The following NUDT13 variants were observed in gnomAD, a reference collection of about 807,000 sequenced individuals.
NUDT13 encodes the protein nudix hydrolase 13.
NUDT13 carries 40 observed loss-of-function variants against 41.7 expected under a neutral mutation model. The observed-to-expected ratio is 0.96, with a 90% CI of 0.75 to 1.25. NUDT13 has a LOEUF of 1.25. Ranked by LOEUF, NUDT13 falls within the 50% of genes most tolerant of loss-of-function variation. The pLI is 0.00. For synonymous variants in NUDT13, 145 were observed against 155.5 expected, an observed-to-expected ratio of 0.93 and a Z score of 0.50; for missense variants, 390 against 416.1, an observed-to-expected ratio of 0.94 and a Z score of 0.55.
chr10:73,130,685 C>T lies in NUDT13; in HGVS notation c.859-18C>T, dbSNP rs758681542. ...GTAGCTCCTGACCTTACATCCTTTT[C>T]TTCCTTATGTCTTTCAGATCCAGGT... is the stretch of plus-strand genomic sequence containing the variant. On this transcript the variant is annotated intron_variant, in intron 8 of 8. Coordinates refer to ENST00000357321, the MANE Select transcript of NUDT13 (RefSeq NM_015901.6). The T allele has an allele frequency of 1.2e-6, 2 of 1,609,578 alleles. No homozygotes were observed. The highest frequency in any genetic ancestry group is 1.7e-6 in the Non-Finnish European group (2 of 1,176,538).
intron 3 of NUDT13, among the ~76,000 whole-genome samples, chr10:73,120,462 C>T (rs1401676428): frequency 6.6e-6 from 1 of 152,158 alleles, no homozygotes; most frequent in Non-Finnish European, 1.5e-5. Flanking sequence ...GGAACATAGA[C>T]GTACTCATTC....
intron 2 of NUDT13, chr10:73,119,545 T>C: frequency 7.7e-6 from 7 of 907,624 alleles, no homozygotes; most frequent in Non-Finnish European, 9.2e-6. Flanking sequence ...TGATGTTTTA[T>C]CACTGTACTT....
intron 2 of NUDT13, among the ~76,000 whole-genome samples, chr10:73,118,359 G>C (rs1842565011): frequency 6.6e-6 from 1 of 152,126 alleles, no homozygotes; most frequent in Non-Finnish European, 1.5e-5. Context: ...TTCATGTTGA[G>C]CAAACTCTGC....
At chr10:73,130,632 G>A in intron 8 of NUDT13, 71 bp from the exon 9 acceptor site, 3 of 1,266,364 alleles carry the variant, frequency 2.4e-6, no homozygotes. Flanking sequence ...ATCATTTTCT[G>A]ACCTTTGGCC....
chr10:73,121,822 T>C (rs1388840776), intron 3 of NUDT13, among the ~76,000 whole-genome samples: 1 of 152,178 alleles, frequency 6.6e-6, no homozygotes, highest in African/African-American at 2.4e-5. Context: ...CCAGCCTTGG[T>C]CTGTACCATT....
intron 7 of NUDT13, 169 bp downstream of exon 7, chr10:73,125,678 A>ATATATATATATATATATATATAT (rs1386292574): frequency 6.5e-6 from 1 of 154,726 alleles, no homozygotes; most frequent in African/African-American, 3.2e-5. Flanking sequence ...TATATATATA[A>ATATATATATATATATATATATAT]AATTTTTTCC....
intron 4 of NUDT13, 146 bp downstream of exon 4, chr10:73,122,455 TCTG>T: frequency 1.3e-6 from 1 of 740,934 alleles, no homozygotes; most frequent in Non-Finnish European, 2.2e-6. Flanking sequence ...AAAAGTGTCA[TCTG>T]CTATCATCAT....
chr10:73,124,116 C>A, intron 4 of NUDT13, 98 bp from the exon 5 acceptor site: 2 of 797,608 alleles, frequency 2.5e-6, no homozygotes, highest in South Asian at 3.1e-5. Context: ...TCTTACGAGG[C>A]AAGTTTGGGA....
intron 2 of NUDT13, chr10:73,114,928 C>T (rs1842471589): frequency 1.3e-5 from 2 of 152,062 alleles, no homozygotes; most frequent in African/African-American, 4.8e-5. Context: ...AAATCATAAC[C>T]ATTTTGTCCA....
rs1374794341 is a variant in NUDT13 at position 73,131,296 on chromosome 10, T to C, written c.*393T>C. ...CTGTTGTAAGTTTGGTTAAAACTTT[T>C]ATCTTAGTATTGAAAATATATAGCA... On this transcript the variant is annotated 3_prime_UTR_variant, in exon 9 of 9. Transcript: ENST00000357321. The C allele has an allele frequency of 3.1e-5, 6 of 191,148 alleles. No individual in the cohort carries two copies. The highest frequency in any genetic ancestry group is 1.4e-4 in the African/African-American group (6 of 43,490). 11.8% of individuals were successfully genotyped at this position (191,148 alleles called of 1,614,324 possible). A position where few individuals can be genotyped will look rare whatever the true frequency, so the allele number is the denominator to read the frequency against.
At chr10:73,116,878 T>A (rs1279246207) in intron 2 of NUDT13, among the ~76,000 whole-genome samples, 11 of 108,892 alleles carry the variant, frequency 1.0e-4, no homozygotes, top group Admixed American at 6.0e-4. Context: ...CTACAAGAAT[T>A]TTTTTTTTTT....
At chr10:73,114,579 G>A (rs1206620126) in intron 2 of NUDT13, 131 bp downstream of exon 2, 1 of 268,060 alleles carries the variant, frequency 3.7e-6, no homozygotes, top group African/African-American at 2.3e-5. Flanking sequence ...ATTTGTGTGT[G>A]TGTATATGTG....
At chr10:73,130,571 A>T in intron 8 of NUDT13, 132 bp from the exon 9 acceptor site, 1 of 716,048 alleles carries the variant, frequency 1.4e-6, no homozygotes, top group Non-Finnish European at 2.3e-6. Flanking sequence ...ACTGACTTTC[A>T]CCTAACCTGA....
chr10:73,124,387 A>C, intron 5 of NUDT13, 67 bp downstream of exon 5: 1 of 1,033,506 alleles, frequency 9.7e-7, no homozygotes, highest in Non-Finnish European at 1.5e-6. Flanking sequence ...ATCCATGTGT[A>C]CACACAAGGC....
intron 4 of NUDT13, among the ~76,000 whole-genome samples, chr10:73,123,423 A>G (rs1172159815): frequency 6.6e-6 from 1 of 152,096 alleles, no homozygotes; most frequent in South Asian, 2.1e-4. Context: ...TGAGGTTCAC[A>G]TAGGAGCCAT....
At chr10:73,118,459 G>T (rs1369581714) in intron 2 of NUDT13, among the ~76,000 whole-genome samples, 1 of 152,094 alleles carries the variant, frequency 6.6e-6, no homozygotes, top group African/African-American at 2.4e-5. Context: ...TTTTACCTGA[G>T]CGTCTGTTTT....
intron 3 of NUDT13, among the ~76,000 whole-genome samples, chr10:73,121,688 T>C (rs1338154638): frequency 6.6e-6 from 1 of 152,120 alleles, no homozygotes; most frequent in Admixed American, 6.6e-5. Context: ...CCTCCCAAGT[T>C]TTTGGGACTA....
intron 8 of NUDT13, 114 bp from the exon 9 acceptor site, chr10:73,130,589 A>G: frequency 2.4e-6 from 2 of 837,790 alleles, no homozygotes; most frequent in Non-Finnish European, 1.9e-6. Context: ...TGAAGATCCC[A>G]GGTATTATCT....
intron 2 of NUDT13, among the ~76,000 whole-genome samples, chr10:73,116,264 C>T (rs1842505538): frequency 6.6e-6 from 1 of 152,066 alleles, no homozygotes; most frequent in Non-Finnish European, 1.5e-5. Context: ...CTGCCTTTAC[C>T]TCCCAAAGTG....
Sources: gnomAD v4.1 joint callset for allele counts (sites outside exome capture counted in the v4.1 genomes callset) on GRCh38, gnomAD v4.1.1 for gene constraint, MANE v1.5 for transcripts, NCBI Gene and HGNC (gene_info 2026-07-23, HGNC 2026-07-21) for gene names.